The following ADAM12 variants were observed in gnomAD, a reference collection of about 807,000 sequenced individuals.
ADAM12 encodes ADAM metallopeptidase domain 12.
ADAM12 carries 70 observed loss-of-function variants against 106.4 expected under a neutral mutation model. That is an observed-to-expected ratio of 0.66 (90% CI 0.54 to 0.80). The LOEUF (loss-of-function observed/expected upper bound fraction) is 0.80, where lower values mean the gene tolerates loss of function less well. ADAM12 is among the 30% of genes least tolerant of loss of function. The pLI, the probability that ADAM12 is intolerant of heterozygous loss-of-function variation, is 0.00. For synonymous variants in ADAM12, 420 were observed against 433.5 expected (o/e 0.97, Z 0.39); for missense variants, 1,010 against 1,171.9 (o/e 0.86, Z 2.02).
intron 1 of ADAM12, among the ~76,000 whole-genome samples, chr10:126,339,747 G>C (rs1399771018): frequency 6.6e-6 from 1 of 152,010 alleles, no homozygotes; most frequent in East Asian, 1.9e-4. Context: ...AGAGAGGGAG[G>C]AGCAGAAGTC....
At chr10:126,032,666 G>C (rs1358741015) in intron 21 of ADAM12, among the ~76,000 whole-genome samples, 1 of 152,176 alleles carries the variant, frequency 6.6e-6, no homozygotes, top group Non-Finnish European at 1.5e-5. Flanking sequence ...TGGGAAAGGA[G>C]CTTCTCTGCT....
chr10:126,020,564 T>G (rs966604320), intron 21 of ADAM12, among the ~76,000 whole-genome samples: 3 of 152,108 alleles, frequency 2.0e-5, no homozygotes, highest in African/African-American at 7.2e-5. Context: ...CTGGAAAATG[T>G]GGGGAAAAAG....
chr10:126,044,369 T>G (rs1954259947), intron 17 of ADAM12, among the ~76,000 whole-genome samples: 1 of 151,796 alleles, frequency 6.6e-6, no homozygotes, highest in African/African-American at 2.4e-5. Flanking sequence ...TCTGAAAAAT[T>G]AGGAATGAGT....
At chr10:126,276,701 G>GT (rs1201105004) in intron 3 of ADAM12, among the ~76,000 whole-genome samples, 3 of 152,112 alleles carry the variant, frequency 2.0e-5, no homozygotes, top group Non-Finnish European at 4.4e-5. Context: ...CATTTTCTAT[G>GT]TATTTTTGAA....
At chr10:126,270,008 A>C (rs1959168125) in intron 3 of ADAM12, among the ~76,000 whole-genome samples, 1 of 152,228 alleles carries the variant, frequency 6.6e-6, no homozygotes, top group South Asian at 2.1e-4. Context: ...GAGAAGCTCA[A>C]GGGAATTTAG....
At chr10:126,241,379 A>T (rs1278736556) in intron 3 of ADAM12, among the ~76,000 whole-genome samples, 1 of 152,244 alleles carries the variant, frequency 6.6e-6, no homozygotes. Flanking sequence ...ATTTTATGTT[A>T]TGTGAATCAC....
intron 11 of ADAM12, among the ~76,000 whole-genome samples, chr10:126,088,332 C>T (rs763662817): frequency 9.2e-5 from 14 of 152,158 alleles, no homozygotes; most frequent in South Asian, 8.3e-4. Flanking sequence ...GCCAGCTGCG[C>T]GTCTGTTGAC....
At chr10:126,018,055 A>AT (rs1473450908) in intron 22 of ADAM12, among the ~76,000 whole-genome samples, 2 of 152,272 alleles carry the variant, frequency 1.3e-5, no homozygotes, top group Non-Finnish European at 2.9e-5. Flanking sequence ...GAAGTTGGGA[A>AT]TTAAACAATT....
intron 14 of ADAM12, among the ~76,000 whole-genome samples, chr10:126,060,240 A>G (rs1321224999): frequency 6.6e-6 from 1 of 152,218 alleles, no homozygotes; most frequent in Admixed American, 6.5e-5. Flanking sequence ...TTGTAGAAAG[A>G]TTTGGAAGCA....
At chr10:126,281,681 A>G (rs1289791463) in intron 2 of ADAM12, among the ~76,000 whole-genome samples, 1 of 152,166 alleles carries the variant, frequency 6.6e-6, no homozygotes, top group Admixed American at 6.5e-5. Flanking sequence ...TTTGATTGTT[A>G]CCCATTGGAG....
chr10:126,333,073 G>A (rs191759086), intron 1 of ADAM12, among the ~76,000 whole-genome samples: 1 of 152,200 alleles, frequency 6.6e-6, no homozygotes, highest in Non-Finnish European at 1.5e-5. Context: ...ACACCACGCC[G>A]AGAGTTACCA....
intron 12 of ADAM12, among the ~76,000 whole-genome samples, chr10:126,068,066 T>C (rs1311356401): frequency 6.6e-6 from 1 of 152,196 alleles, no homozygotes; most frequent in Non-Finnish European, 1.5e-5. Context: ...TTGAGGACTT[T>C]ATAAACATCC....
At chr10:126,335,246 G>A (rs1854658151) in intron 1 of ADAM12, among the ~76,000 whole-genome samples, 1 of 152,192 alleles carries the variant, frequency 6.6e-6, no homozygotes, top group Admixed American at 6.5e-5. Flanking sequence ...ACTCTGATGA[G>A]ATCATTAGTC....
intron 14 of ADAM12, among the ~76,000 whole-genome samples, chr10:126,051,516 T>TCCAGCCAGCCAGCCAG (rs1954488088): frequency 7.0e-6 from 1 of 141,882 alleles, no homozygotes; most frequent in Non-Finnish European, 1.5e-5. Flanking sequence ...CATCCATCCA[T>TCCAGCCAGCCAGCCAG]CCATCCAGCC....
chr10:126,090,860 T>C (rs1051534750), intron 11 of ADAM12: 4 of 152,240 alleles, frequency 2.6e-5, no homozygotes, highest in Non-Finnish European at 5.9e-5. Context: ...TGAAGGGATA[T>C]ACTTTTCTCC....
At chr10:126,250,693 T>C (rs1490755250) in intron 3 of ADAM12, among the ~76,000 whole-genome samples, 1 of 152,200 alleles carries the variant, frequency 6.6e-6, no homozygotes, top group African/African-American at 2.4e-5. Context: ...TAGATTCACA[T>C]GTGTTTATTA....
chr10:126,146,980 T>G (rs2133703854), intron 4 of ADAM12, among the ~76,000 whole-genome samples: 2 of 152,336 alleles, frequency 1.3e-5, no homozygotes, highest in South Asian at 4.1e-4. Flanking sequence ...TCATCCGCCC[T>G]GACGTGTTTA....
At chr10:126,174,680 C>A (rs370892944) in intron 3 of ADAM12, among the ~76,000 whole-genome samples, 2 of 152,198 alleles carry the variant, frequency 1.3e-5, no homozygotes, top group East Asian at 1.9e-4. Flanking sequence ...TACCCTTAGT[C>A]TCTTGGAATG....
intron 11 of ADAM12, among the ~76,000 whole-genome samples, chr10:126,083,128 T>C (rs1955263320): frequency 6.6e-6 from 1 of 152,224 alleles, no homozygotes; most frequent in African/African-American, 2.4e-5. Flanking sequence ...TACTCCATGC[T>C]GCCTGGAGCG....
Sources: gnomAD v4.1 joint callset for allele counts (sites outside exome capture counted in the v4.1 genomes callset) on GRCh38, gnomAD v4.1.1 for gene constraint, MANE v1.5 for transcripts, NCBI Gene and HGNC (gene_info 2026-07-23, HGNC 2026-07-21) for gene names.